CENPW: variants seen among roughly 807,000 people sequenced by gnomAD.
CENPW encodes the protein centromere protein W.
In CENPW, 3 loss-of-function variants were observed where a neutral mutation model predicts 11.1. That is an observed-to-expected ratio of 0.27 (90% CI 0.12 to 0.70). CENPW has a LOEUF of 0.70. CENPW is among the 30% of genes least tolerant of loss of function. The probability of loss-of-function intolerance (pLI) is 0.77; values close to 1 mark genes in which losing one functional copy is unlikely to be tolerated. For missense variants in CENPW, 100 were observed against 105.6 expected (o/e 0.95, Z 0.23); for synonymous variants, 38 against 42.0 (o/e 0.91, Z 0.37).
the CENPW span, among the ~76,000 whole-genome samples, chr6:126,438,514 C>G: frequency 5.3e-5 from 8 of 151,656 alleles, no homozygotes; most frequent in African/African-American, 1.9e-4. Flanking sequence ...CAATTAGCAG[C>G]AGTGCCTTTT....
At chr6:126,410,675 G>T in the CENPW span, among the ~76,000 whole-genome samples, 1 of 151,032 alleles carries the variant, frequency 6.6e-6, no homozygotes, top group Non-Finnish European at 1.5e-5. Context: ...AGTCTTGTTG[G>T]CTTACCTTAC....
At chr6:126,343,129 A>G (rs186071791) in intron 1 of CENPW, among the ~76,000 whole-genome samples, 1 of 152,322 alleles carries the variant, frequency 6.6e-6, no homozygotes, top group East Asian at 1.9e-4. Context: ...GTCAAGAAGT[A>G]TTTCTTTATA....
At chr6:126,379,974 A>T in the CENPW span, among the ~76,000 whole-genome samples, 5 of 152,326 alleles carry the variant, frequency 3.3e-5, no homozygotes, top group East Asian at 9.6e-4. Context: ...TATTTCAATC[A>T]AGGTTTGGCA....
the CENPW span, among the ~76,000 whole-genome samples, chr6:126,416,561 G>T: frequency 6.6e-6 from 1 of 152,180 alleles, no homozygotes; most frequent in African/African-American, 2.4e-5. Context: ...AAGTAGTTTT[G>T]TGGACTGGGT....
the CENPW span, among the ~76,000 whole-genome samples, chr6:126,450,246 A>C: frequency 6.6e-6 from 1 of 151,112 alleles, no homozygotes; most frequent in African/African-American, 2.4e-5. Context: ...TATGTATTAA[A>C]TCACTTTCGG....
the CENPW span, among the ~76,000 whole-genome samples, chr6:126,401,938 C>T: frequency 1.3e-5 from 2 of 151,992 alleles, no homozygotes; most frequent in African/African-American, 4.8e-5. Context: ...CTTAATTATT[C>T]TTAGCATTTT....
At chr6:126,397,389 G>A in the CENPW span, among the ~76,000 whole-genome samples, 2 of 152,094 alleles carry the variant, frequency 1.3e-5, no homozygotes, top group African/African-American at 4.8e-5. Context: ...CCTCCTCTAA[G>A]CACTCAGATT....
chr6:126,340,592 C>A, intron 1 of CENPW, 193 bp downstream of exon 1: 2 of 721,244 alleles, frequency 2.8e-6, no homozygotes, highest in South Asian at 1.9e-5. Context: ...CTCAGTTGTA[C>A]CGGGCCGCGC....
At chr6:126,468,748 T>C in the CENPW span, among the ~76,000 whole-genome samples, 1 of 152,278 alleles carries the variant, frequency 6.6e-6, no homozygotes, top group Non-Finnish European at 1.5e-5. Flanking sequence ...AAGACTTACA[T>C]TGGAATAACT....
the CENPW span, among the ~76,000 whole-genome samples, chr6:126,354,184 A>AT: frequency 6.6e-6 from 1 of 151,916 alleles, no homozygotes; most frequent in Non-Finnish European, 1.5e-5. Context: ...CAGAGGGATC[A>AT]TTTTTTCCCC....
At chr6:126,471,241 T>C in the CENPW span, among the ~76,000 whole-genome samples, 2 of 152,118 alleles carry the variant, frequency 1.3e-5, no homozygotes, top group African/African-American at 4.8e-5. Flanking sequence ...ATTCTTATGA[T>C]AGTGAGGTAG....
rs79157385 is a variant in CENPW at position 126,340,129 on chromosome 6, G to T, written c.-145G>T. 1.5e-3 allele frequency: 1,149 copies of T among 768,286 alleles called. 2 individuals are homozygous for T. The highest frequency in any genetic ancestry group is 1.9e-3 in the Non-Finnish European group (865 of 463,112). 47.6% of individuals were successfully genotyped at this position (768,286 alleles called of 1,614,324 possible). On this transcript the variant is annotated 5_prime_UTR_variant, in exon 1 of 3. Coordinates refer to ENST00000368328, the MANE Select transcript of CENPW (RefSeq NM_001012507.4). ...GCGCCGGGCGCGTTCCGTTGGCGGC[G>T]GATTCGAACGTTCGGACTGAGGTTT...
the CENPW span, among the ~76,000 whole-genome samples, chr6:126,355,205 G>A: frequency 6.6e-6 from 1 of 151,910 alleles, no homozygotes; most frequent in Non-Finnish European, 1.5e-5. Context: ...TTATTATCTT[G>A]TTAATCATTC....
the CENPW span, among the ~76,000 whole-genome samples, chr6:126,476,417 A>G: frequency 6.6e-6 from 1 of 152,012 alleles, no homozygotes; most frequent in Non-Finnish European, 1.5e-5. Context: ...GAAAATCATG[A>G]GAAAATCATG....
At chr6:126,404,658 C>T in the CENPW span, among the ~76,000 whole-genome samples, 1 of 152,126 alleles carries the variant, frequency 6.6e-6, no homozygotes, top group South Asian at 2.1e-4. Flanking sequence ...AGGACTGTAT[C>T]CTCACCAAAA....
chr6:126,406,373 A>G, the CENPW span, among the ~76,000 whole-genome samples: 2 of 152,126 alleles, frequency 1.3e-5, no homozygotes, highest in African/African-American at 4.8e-5. Context: ...TTTTGGATCT[A>G]TGTTCATCAA....
At chr6:126,411,514 A>C in the CENPW span, among the ~76,000 whole-genome samples, 1 of 152,026 alleles carries the variant, frequency 6.6e-6, no homozygotes, top group East Asian at 1.9e-4. Context: ...TCTTGAACCT[A>C]TTGTGGCACA....
chr6:126,366,388 C>T, the CENPW span, among the ~76,000 whole-genome samples: 4 of 151,948 alleles, frequency 2.6e-5, no homozygotes, highest in African/African-American at 9.7e-5. Context: ...TAAGTTAAAC[C>T]ATTGAAGTTT....
At chr6:126,352,705 G>A (rs565953150), downstream of CENPW, among the ~76,000 whole-genome samples, 2 of 151,966 alleles carry the variant, frequency 1.3e-5, no homozygotes, top group South Asian at 4.2e-4. Flanking sequence ...TGTATATTTG[G>A]GTTTTGTGTT....
Sources: gnomAD v4.1 joint callset for allele counts (sites outside exome capture counted in the v4.1 genomes callset) on GRCh38, gnomAD v4.1.1 for gene constraint, MANE v1.5 for transcripts, NCBI Gene and HGNC (gene_info 2026-07-23, HGNC 2026-07-21) for gene names.